Variants in FRMPD1 observed in about 807,000 individuals in gnomAD.
FRMPD1 encodes the protein FERM and PDZ domain-containing protein 1.
A neutral mutation model predicts 117.8 loss-of-function variants in FRMPD1; 76 were observed. The observed-to-expected ratio is 0.65, with a 90% confidence interval of 0.54 to 0.78. The LOEUF (loss-of-function observed/expected upper bound fraction) is 0.78, where lower values mean the gene tolerates loss of function less well. Among genes scored for constraint, FRMPD1 ranks in the 30% least tolerant of loss-of-function variants. FRMPD1 has a pLI of 0.00. For missense variants in FRMPD1, 1,786 were observed against 1,964.5 expected, an observed-to-expected ratio of 0.91 and a Z score of 1.72; for synonymous variants, 783 against 770.4, an observed-to-expected ratio of 1.02 and a Z score of -0.27.
chr9:37,739,057 T>C (rs560097592), intron 14 of FRMPD1, among the ~76,000 whole-genome samples: 1 of 152,036 alleles, frequency 6.6e-6, no homozygotes, highest in East Asian at 1.9e-4. Flanking sequence ...GAAGGGCAGC[T>C]AGACTACAGA....
In FRMPD1 at chr9:37,690,130, G is replaced by C. The variant is rs149630571; in HGVS notation, c.-4-2508G>C. ...TTTTCTACTTCTGGAACTTCTGTTA[G>C]ATGAATATTACACTTCCTGGACAGG... On this transcript the variant is annotated intron_variant, in intron 1 of 15. Transcript: ENST00000377765. Among the ~76,000 whole-genome samples, 912 of 152,100 alleles carry C rather than the reference G, an allele frequency of 6.0e-3. 12 individuals carry two copies. Among genetic ancestry groups the C allele is most frequent in the African/African-American group, 0.021 (884 of 41,518 alleles).
chr9:37,626,781 C>T, the FRMPD1 span, among the ~76,000 whole-genome samples: 2 of 151,728 alleles, frequency 1.3e-5, no homozygotes, highest in Admixed American at 1.3e-4. Context: ...AGAGAGAGCC[C>T]TGTCTCAGAG....
intron 2 of FRMPD1, among the ~76,000 whole-genome samples, chr9:37,702,323 A>G (rs572113497): frequency 6.6e-6 from 1 of 152,238 alleles, no homozygotes. Flanking sequence ...TTCACTTGAC[A>G]ATGTGAGAAA....
intron 1 of FRMPD1, chr9:37,668,500 G>C (rs943930322): frequency 1.3e-5 from 2 of 152,312 alleles, no homozygotes; most frequent in Non-Finnish European, 2.9e-5. Flanking sequence ...TGGGAGGCCC[G>C]GGAGCAGTGT....
At chr9:37,722,867 T>A (rs908144881) in intron 6 of FRMPD1, among the ~76,000 whole-genome samples, 2 of 152,190 alleles carry the variant, frequency 1.3e-5, no homozygotes, top group African/African-American at 4.8e-5. Flanking sequence ...CATGCTGGTG[T>A]GCTGCACCTA....
At chr9:37,603,246 G>C in the FRMPD1 span, among the ~76,000 whole-genome samples, 706 of 152,296 alleles carry the variant, frequency 4.6e-3, 6 homozygotes, top group African/African-American at 0.016. Flanking sequence ...TAAAATGAGG[G>C]CTTGGATTGG....
Position 37,731,448 on chromosome 9 carries a change from G to T in FRMPD1, c.858+345G>T, listed in dbSNP as rs138520586. Among the ~76,000 whole-genome samples the T allele has an allele frequency of 3.2e-3, 487 of 152,292 alleles. 7 individuals are homozygous for T. Among genetic ancestry groups the T allele is most frequent in the African/African-American group, 0.011 (463 of 41,566 alleles). On this transcript the variant is annotated intron_variant, in intron 9 of 15. Coordinates refer to ENST00000377765, the MANE Select transcript of FRMPD1 (RefSeq NM_014907.3). ...AATGATGACACTGAGTCTTGGAAAG[G>T]TCGTGTGATTTGCCTGGGTCACTCA...
the FRMPD1 span, among the ~76,000 whole-genome samples, chr9:37,617,068 G>A: frequency 6.6e-6 from 1 of 152,242 alleles, no homozygotes; most frequent in Non-Finnish European, 1.5e-5. Flanking sequence ...CACTATGCTA[G>A]GCTCAGGCCT....
chr9:37,735,511 C>G (rs750684766), intron 12 of FRMPD1, 41 bp from the exon 13 acceptor site: 53 of 1,448,572 alleles, frequency 3.7e-5, no homozygotes, highest in Non-Finnish European at 4.9e-5. Flanking sequence ...TATTTTCACT[C>G]GCTTGCGAAT....
chr9:37,639,688 T>C, the FRMPD1 span, among the ~76,000 whole-genome samples: 23 of 152,284 alleles, frequency 1.5e-4, no homozygotes, highest in East Asian at 3.9e-3. Context: ...CCAGTGTCTA[T>C]GCACTTCCCA....
At position 37,717,304 on chromosome 9, in the gene FRMPD1, T is replaced by A. The variant is rs760038929; in HGVS notation, c.409-1765T>A. 8.8e-4 allele frequency among the ~76,000 whole-genome samples: 101 copies of A among 114,198 alleles called. 1 individual carries two copies. The highest frequency in any genetic ancestry group is 1.9e-3 in the East Asian group (7 of 3,756). 74.9% of individuals were successfully genotyped at this position (114,198 alleles called of 152,430 possible). A position where few individuals can be genotyped will look rare whatever the true frequency, so the allele number is the denominator to read the frequency against. On this transcript the variant is annotated intron_variant, in intron 5 of 15. Coordinates refer to ENST00000377765, the MANE Select transcript of FRMPD1 (RefSeq NM_014907.3). ...TTGGATTTTGCCGAGAAAAAAAAAA[T>A]ATATATATATGTATGTGTGTGTGTG...
At chr9:37,730,832 G>C (rs771172250) in intron 8 of FRMPD1, 152 bp from the exon 9 acceptor site, 32 of 683,986 alleles carry the variant, frequency 4.7e-5, no homozygotes, top group Admixed American at 2.7e-4. Context: ...GTCAAATTAG[G>C]AGTAAAGGTC....
chr9:37,618,631 C>A, the FRMPD1 span, among the ~76,000 whole-genome samples: 2 of 152,292 alleles, frequency 1.3e-5, no homozygotes, highest in East Asian at 3.9e-4. Context: ...ATTAACCTTT[C>A]CAGGTTTTTT....
chr9:37,631,244 A>T, the FRMPD1 span, among the ~76,000 whole-genome samples: 1 of 152,214 alleles, frequency 6.6e-6, no homozygotes. Flanking sequence ...CTAAAAAATA[A>T]TAAAAAAGCA....
chr9:37,689,098 G>A (rs918651016), intron 1 of FRMPD1, among the ~76,000 whole-genome samples: 24 of 151,806 alleles, frequency 1.6e-4, no homozygotes, highest in Non-Finnish European at 3.2e-4. Context: ...GTATTTTCCT[G>A]CATATTTCTT....
chr9:37,684,412 T>C (rs1021488361), intron 1 of FRMPD1, among the ~76,000 whole-genome samples: 3 of 152,254 alleles, frequency 2.0e-5, no homozygotes. Flanking sequence ...GGTAATGTTG[T>C]TAGCATAGTT....
chr9:37,711,486 G>A (rs1027817201), intron 5 of FRMPD1, 91 bp downstream of exon 5: 18 of 1,012,690 alleles, frequency 1.8e-5, no homozygotes, highest in South Asian at 6.4e-5. Context: ...TAAAGTAAGC[G>A]GGGAAGGCAA....
chr9:37,684,756 A>T (rs7469365), intron 1 of FRMPD1, among the ~76,000 whole-genome samples: 6 of 151,408 alleles, frequency 4.0e-5, no homozygotes, highest in Non-Finnish European at 1.5e-5. Context: ...TGATTCCCCA[A>T]TTTTTTTTTA....
At chr9:37,608,187 T>C in the FRMPD1 span, among the ~76,000 whole-genome samples, 2 of 152,220 alleles carry the variant, frequency 1.3e-5, no homozygotes, top group Non-Finnish European at 2.9e-5. Flanking sequence ...AACTGCCTCA[T>C]TCTCCATGTC....
Sources: gnomAD v4.1 joint callset for allele counts (sites outside exome capture counted in the v4.1 genomes callset) on GRCh38, gnomAD v4.1.1 for gene constraint, MANE v1.5 for transcripts, NCBI Gene and HGNC (gene_info 2026-07-23, HGNC 2026-07-21) for gene names.